IQSEC3: variants seen among roughly 807,000 people sequenced by gnomAD.
IQSEC3 encodes IQ motif and Sec7 domain ArfGEF 3, also known as IQ motif and SEC7 domain-containing protein 3.
A neutral mutation model predicts 105.4 loss-of-function variants in IQSEC3; 50 were observed. The ratio of observed to expected loss-of-function variants is 0.47; its 90% CI spans 0.38 to 0.60. IQSEC3 has a LOEUF of 0.60. IQSEC3 is among the 20% of genes least tolerant of loss of function. IQSEC3 has a pLI of 0.00. For missense variants in IQSEC3, 1,415 were observed against 1,630.0 expected (o/e 0.87, Z 2.27); for synonymous variants, 708 against 746.0 (o/e 0.95, Z 0.83).
At chr12:149,565 A>G (rs1866422215) in intron 5 of IQSEC3, among the ~76,000 whole-genome samples, 1 of 152,078 alleles carries the variant, frequency 6.6e-6, no homozygotes, top group South Asian at 2.1e-4. Context: ...TCATCCCACA[A>G]AACAGTGATT....
At position 116,847 on chromosome 12, in the gene IQSEC3, T is replaced by C. The variant is rs961861553; in HGVS notation, c.624-8786T>C. On this transcript the variant is annotated intron_variant, in intron 2 of 13. Transcript: ENST00000538872. ...TAAAGACAAGGGGGGCGTTTGCCCA[T>C]AGGGAAGAGCTAGGGAAGGACCGAC... Among the ~76,000 whole-genome samples the C allele has an allele frequency of 6.6e-5, 10 of 152,230 alleles. No homozygotes were observed. In the South Asian group the frequency reaches 1.5e-3, roughly 22 times the overall value.
At chr12:153,208 G>A (rs1866567091) in intron 5 of IQSEC3, among the ~76,000 whole-genome samples, 2 of 152,090 alleles carry the variant, frequency 1.3e-5, no homozygotes, top group African/African-American at 2.4e-5. Context: ...CACGGACCCT[G>A]GAATGAGCAG....
At chr12:91,773 CCT>C (rs1864093723) in intron 1 of IQSEC3, among the ~76,000 whole-genome samples, 1 of 151,856 alleles carries the variant, frequency 6.6e-6, no homozygotes, top group Admixed American at 6.5e-5. Context: ...GGAGTGAGAC[CCT>C]GTCTCAAAAA....
chr12:138,292 G>T lies in IQSEC3; in HGVS notation c.929G>T (p.Gly310Val). 6.2e-7 allele frequency: 1 copy of T among 1,613,510 alleles called. No individual in the cohort carries two copies. Among genetic ancestry groups the T allele is most frequent in the Non-Finnish European group, 8.5e-7 (1 of 1,179,662 alleles). ...KQIEMLEHKY[G>V]GHLVSRRAAC... ...ATTGAAATGCTAGAACATAAGTACGGCGGTCACCTGGTGTCCCGGCGCGCC... is the reference window on the plus strand; with the variant it reads ...ATTGAAATGCTAGAACATAAGTACGTCGGTCACCTGGTGTCCCGGCGCGCC... The change falls in exon 4 of 14, where the codon GGC becomes GTC. Residue 310 changes from glycine (G) to valine (V), a missense_variant. Coordinates refer to ENST00000538872, the MANE Select transcript of IQSEC3 (RefSeq NM_001170738.2). This position sits in a 1 kb window ranked among gnomAD's most constrained non-coding sequence, Gnocchi z 7.1.
chr12:172,067 G>A (rs73038007), intron 13 of IQSEC3, among the ~76,000 whole-genome samples: 7,482 of 152,120 alleles, frequency 0.049, 263 homozygotes, highest in Non-Finnish European at 0.067. Context: ...CGGGGCCACC[G>A]GCTGCTCATA....
intron 2 of IQSEC3, among the ~76,000 whole-genome samples, chr12:107,478 C>T (rs944957373): frequency 5.4e-5 from 7 of 129,538 alleles, no homozygotes; most frequent in East Asian, 2.7e-4. Flanking sequence ...GGCACAATCT[C>T]GGCTCACTGC....
chr12:174,901 T>C lies in IQSEC3; in HGVS notation c.3417T>C (p.Ser1139=), dbSNP rs1338006261. The change falls in exon 14 of 14, where the codon TCT becomes TCC. Residue 1139 remains serine, a synonymous_variant. Coordinates refer to ENST00000538872, the MANE Select transcript of IQSEC3 (RefSeq NM_001170738.2). ...CCACACCCCTGGGCGGTCCCGGCTC[T>C]CCGGTCAAGGTCACCCACCAGCCTC... is the stretch of plus-strand genomic sequence containing the variant. The part of the protein sequence containing the change: ...CGSTPLGGPG[S]PVKVTHQPPL... 1.9e-6 allele frequency: 3 copies of C among 1,561,100 alleles called. No homozygotes were observed. The highest frequency in any genetic ancestry group is 2.6e-6 in the Non-Finnish European group (3 of 1,161,690).
intron 13 of IQSEC3, chr12:171,454 A>G (rs1938993327): frequency 2.6e-6 from 2 of 770,596 alleles, no homozygotes; most frequent in Admixed American, 4.9e-5. Context: ...CCCTAGGGCC[A>G]TCCTTCCTGT....
intron 5 of IQSEC3, among the ~76,000 whole-genome samples, chr12:156,721 G>A (rs1866699427): frequency 6.6e-6 from 1 of 152,190 alleles, no homozygotes; most frequent in Non-Finnish European, 1.5e-5. Flanking sequence ...CTTTGCTTGG[G>A]GTACTCTGAG....
intron 2 of IQSEC3, among the ~76,000 whole-genome samples, chr12:101,476 G>T (rs55790173): frequency 0.32 from 48,918 of 152,004 alleles, 8,383 homozygotes; most frequent in Non-Finnish European, 0.38. Context: ...TGAGGTTGGG[G>T]ACAGGAGGTG....
In IQSEC3 at chr12:176,187, A is replaced by G. The variant is rs1351708365; in HGVS notation, c.*1154A>G. ...AGCAGGGGTGCCCAAGAGTCCCTGG[A>G]CCCTCAAAATTGCAAAGGAGACCCA... is the stretch of plus-strand genomic sequence containing the variant. On this transcript the variant is annotated 3_prime_UTR_variant, in exon 14 of 14. Transcript: ENST00000538872. The surrounding 1 kb of genome is among the most constrained non-coding windows in gnomAD (Gnocchi z 4.0). 1 of 151,822 alleles carries G rather than the reference A, an allele frequency of 6.6e-6. No individual in the cohort carries two copies. Among genetic ancestry groups the G allele is most frequent in the Admixed American group, 6.5e-5 (1 of 15,270 alleles). The allele number at this position is 151,822 out of a possible 1,614,324, so 9.4% of individuals were successfully genotyped here.
chr12:169,208 GGC>G (rs1555099568), intron 12 of IQSEC3, 103 bp downstream of exon 12: 1 of 925,078 alleles, frequency 1.1e-6, no homozygotes, highest in East Asian at 2.5e-5. Context: ...CCATTCCCGT[GGC>G]GTGTTTCTTC....
intron 1 of IQSEC3, among the ~76,000 whole-genome samples, chr12:91,987 C>T (rs540139308): frequency 2.5e-4 from 38 of 152,158 alleles, no homozygotes; most frequent in East Asian, 1.2e-3. Context: ...ATTCTGAGTG[C>T]GGCAAGCTCC....
chr12:156,881 TG>T, intron 5 of IQSEC3, 143 bp from the exon 6 acceptor site: 1 of 995,410 alleles, frequency 1.0e-6, no homozygotes, highest in Non-Finnish European at 1.4e-6. Flanking sequence ...ATGGTCCTCT[TG>T]GGGCATTAAA....
chr12:69,408 G>C (rs1462425735), intron 1 of IQSEC3, among the ~76,000 whole-genome samples: 1 of 152,258 alleles, frequency 6.6e-6, no homozygotes, highest in African/African-American at 2.4e-5. Context: ...TTCTGGAGAG[G>C]AGTTATAATA....
At chr12:76,068 T>G (rs1359005553) in intron 1 of IQSEC3, among the ~76,000 whole-genome samples, 1 of 150,620 alleles carries the variant, frequency 6.6e-6, no homozygotes, top group Non-Finnish European at 1.5e-5. Context: ...AGAACAAATC[T>G]CTGCAGTGAG....
At chr12:125,225 C>A (rs535607546) in intron 2 of IQSEC3, among the ~76,000 whole-genome samples, 1 of 152,184 alleles carries the variant, frequency 6.6e-6, no homozygotes, top group African/African-American at 2.4e-5. Flanking sequence ...TAACTTCAGC[C>A]GCCAGTATCC....
Position 174,678 on chromosome 12 carries a change from C to T in IQSEC3, c.3194C>T (p.Pro1065Leu), listed in dbSNP as rs781535940. 1.9e-6 allele frequency: 3 copies of T among 1,591,878 alleles called. No individual in the cohort carries two copies. Among genetic ancestry groups the T allele is most frequent in the African/African-American group, 1.3e-5 (1 of 74,830 alleles). ...GAERGAPVPPPDLQPSPPRQQ... is the reference protein window; with the variant it reads ...GAERGAPVPPLDLQPSPPRQQ... ...GAGAGGGGAGCGCCGGTGCCGCCGC[C>T]AGACCTGCAGCCTAGCCCCCCGAGA... The change falls in exon 14 of 14, where the codon CCA (proline) becomes CTA (leucine). Residue 1065 changes from proline (P) to leucine (L), a missense_variant. Pro to Leu is a moderately conservative substitution (Grantham distance 98, BLOSUM62 -3). Transcript: ENST00000538872.
intron 2 of IQSEC3, among the ~76,000 whole-genome samples, chr12:112,894 G>A (rs1399235139): frequency 2.6e-5 from 4 of 151,750 alleles, no homozygotes; most frequent in African/African-American, 9.7e-5. Context: ...ACTTATTATT[G>A]TAAAAATATT....
Sources: gnomAD v4.1 joint callset for allele counts (sites outside exome capture counted in the v4.1 genomes callset) on GRCh38, gnomAD v4.1.1 for gene constraint, Gnocchi (gnomAD v3.1) non-coding constraint, MANE v1.5 for transcripts, NCBI Gene and HGNC (gene_info 2026-07-23, HGNC 2026-07-21) for gene names.